Variants in FUT9 observed in about 807,000 individuals in gnomAD.
The protein encoded by FUT9 is fucosyltransferase 9, also known as 4-galactosyl-N-acetylglucosaminide 3-alpha-L-fucosyltransferase 9.
In FUT9, 15 loss-of-function variants were observed where a neutral mutation model predicts 29.7. The ratio of observed to expected loss-of-function variants is 0.51; its 90% CI spans 0.34 to 0.78. The LOEUF is 0.78. Among genes scored for constraint, FUT9 ranks in the 30% least tolerant of loss-of-function variants. The pLI, the probability that FUT9 is intolerant of heterozygous loss-of-function variation, is 0.01. For synonymous variants in FUT9, 169 were observed against 153.7 expected, an observed-to-expected ratio of 1.10 and a Z score of -0.74; for missense variants, 319 against 425.4, an observed-to-expected ratio of 0.75 and a Z score of 2.20.
chr6:96,027,986 ATG>A (rs1420570311), intron 1 of FUT9, among the ~76,000 whole-genome samples: 1 of 151,620 alleles, frequency 6.6e-6, no homozygotes, highest in African/African-American at 2.4e-5. Context: ...CTTATAAAAT[ATG>A]TGTGTCATTT....
At chr6:96,066,186 T>G (rs1212079750) in intron 1 of FUT9, among the ~76,000 whole-genome samples, 1 of 152,230 alleles carries the variant, frequency 6.6e-6, no homozygotes, top group Non-Finnish European at 1.5e-5. Flanking sequence ...GAAAGTTAAT[T>G]GATTGGGCTC....
In FUT9 at chr6:96,128,982, G is replaced by T. The variant is rs533571676; in HGVS notation, c.-9+14855G>T. Among the ~76,000 whole-genome samples, 15 of 151,828 alleles carry T rather than the reference G, an allele frequency of 9.9e-5. No homozygotes were observed. The East Asian group carries it at 2.7e-3, about 28-fold the overall frequency. ...ACAAAAAAATACAAATAGCCACCGG[G>T]TGTGGTGGCTCATGCCTGTAATTCC... On this transcript the variant is annotated intron_variant, in intron 2 of 2. Coordinates refer to ENST00000302103, the MANE Select transcript of FUT9 (RefSeq NM_006581.4).
intron 1 of FUT9, among the ~76,000 whole-genome samples, chr6:96,083,955 C>T (rs1771278458): frequency 6.6e-6 from 1 of 151,906 alleles, no homozygotes; most frequent in Admixed American, 6.6e-5. Flanking sequence ...AAAAGGTGAA[C>T]ATTAATAATT....
chr6:96,061,083 T>A (rs1177026554), intron 1 of FUT9, among the ~76,000 whole-genome samples: 1 of 151,704 alleles, frequency 6.6e-6, no homozygotes, highest in Non-Finnish European at 1.5e-5. Context: ...TACTAGTAAT[T>A]CCATGGGATA....
At chr6:96,052,058 G>T (rs1174514938) in intron 1 of FUT9, among the ~76,000 whole-genome samples, 1 of 152,134 alleles carries the variant, frequency 6.6e-6, no homozygotes, top group Non-Finnish European at 1.5e-5. Flanking sequence ...CATGGCTGGG[G>T]AGGCCTCAGG....
chr6:96,107,984 C>CTTTT (rs753293696), intron 1 of FUT9, among the ~76,000 whole-genome samples: 31 of 140,780 alleles, frequency 2.2e-4, no homozygotes, highest in African/African-American at 7.0e-4. Context: ...CTCATGGCCA[C>CTTTT]TTTTTTTTTT....
chr6:96,199,555 G>A (rs1367530441), intron 2 of FUT9, among the ~76,000 whole-genome samples: 1 of 152,122 alleles, frequency 6.6e-6, no homozygotes, highest in African/African-American at 2.4e-5. Flanking sequence ...GCTAATGAGA[G>A]AGAGAGAGAG....
intron 2 of FUT9, among the ~76,000 whole-genome samples, chr6:96,169,061 C>G (rs1773064790): frequency 1.3e-5 from 2 of 152,138 alleles, no homozygotes; most frequent in Non-Finnish European, 2.9e-5. Flanking sequence ...ATATCATTAG[C>G]AGTCAACATG....
intron 2 of FUT9, among the ~76,000 whole-genome samples, chr6:96,147,787 C>T (rs1054120359): frequency 1.1e-4 from 17 of 150,784 alleles, no homozygotes; most frequent in Admixed American, 4.7e-4. Context: ...TGATGACATC[C>T]AGCCATGACG....
intron 1 of FUT9, among the ~76,000 whole-genome samples, chr6:96,087,608 G>A (rs184478278): frequency 7.4e-4 from 113 of 151,916 alleles, no homozygotes; most frequent in African/African-American, 2.6e-3. Flanking sequence ...CTCATGATCC[G>A]CCCACCTCGG....
chr6:96,049,839 C>T (rs1276163961), intron 1 of FUT9, among the ~76,000 whole-genome samples: 2 of 152,078 alleles, frequency 1.3e-5, no homozygotes, highest in African/African-American at 2.4e-5. Flanking sequence ...GGGTGAAGTT[C>T]GTGATATATG....
chr6:96,167,980 G>A (rs1462536173), intron 2 of FUT9, among the ~76,000 whole-genome samples: 3 of 152,184 alleles, frequency 2.0e-5, no homozygotes, highest in African/African-American at 7.2e-5. Context: ...AGAGCCAACT[G>A]TATTTCCTGC....
At chr6:96,082,296 T>G (rs1344737520) in intron 1 of FUT9, among the ~76,000 whole-genome samples, 1 of 151,816 alleles carries the variant, frequency 6.6e-6, no homozygotes, top group Non-Finnish European at 1.5e-5. Flanking sequence ...CCTTTCACAT[T>G]GAAATATTTA....
At chr6:96,026,426 G>T (rs1174589742) in intron 1 of FUT9, among the ~76,000 whole-genome samples, 2 of 151,630 alleles carry the variant, frequency 1.3e-5, no homozygotes, top group Non-Finnish European at 3.0e-5. Flanking sequence ...AATCTATATA[G>T]ATTACAGCAT....
intron 2 of FUT9, among the ~76,000 whole-genome samples, chr6:96,169,804 T>A (rs1773079506): frequency 6.6e-6 from 1 of 152,156 alleles, no homozygotes; most frequent in South Asian, 2.1e-4. Flanking sequence ...TGGCGAAATT[T>A]AAAGAAATAA....
intron 1 of FUT9, among the ~76,000 whole-genome samples, chr6:96,052,908 C>T (rs973494121): frequency 1.3e-5 from 2 of 151,464 alleles, no homozygotes; most frequent in Admixed American, 6.6e-5. Flanking sequence ...AAGGTCAAAA[C>T]ATTTAAAATA....
At chr6:96,145,616 A>C (rs1051617291) in intron 2 of FUT9, among the ~76,000 whole-genome samples, 14 of 152,186 alleles carry the variant, frequency 9.2e-5, no homozygotes, top group African/African-American at 3.4e-4. Context: ...TGGTCAAAGA[A>C]GGCCTCATTG....
At chr6:96,035,217 A>G (rs1278732025) in intron 1 of FUT9, among the ~76,000 whole-genome samples, 4 of 151,434 alleles carry the variant, frequency 2.6e-5, no homozygotes, top group African/African-American at 7.3e-5. Flanking sequence ...GGAAATGAGG[A>G]AAAAAGAGAG....
At chr6:96,024,297 C>T (rs911422328) in intron 1 of FUT9, among the ~76,000 whole-genome samples, 1 of 151,804 alleles carries the variant, frequency 6.6e-6, no homozygotes, top group Non-Finnish European at 1.5e-5. Flanking sequence ...TAGAGATACC[C>T]TGACTTCTAG....
Sources: allele counts gnomAD v4.1 joint callset (sites outside exome capture counted in the v4.1 genomes callset), GRCh38; gene constraint gnomAD v4.1.1; transcripts MANE v1.5; gene names NCBI Gene and HGNC (gene_info 2026-07-23, HGNC 2026-07-21).